The following KCNU1 variants were observed in gnomAD, a reference collection of about 807,000 sequenced individuals.
KCNU1 encodes potassium channel subfamily U member 1.
Under a neutral mutation model 126.8 loss-of-function variants are expected in KCNU1, and 93 were observed. The ratio of observed to expected loss-of-function variants is 0.73; its 90% CI spans 0.62 to 0.87. The LOEUF (loss-of-function observed/expected upper bound fraction) is 0.87, where lower values mean the gene tolerates loss of function less well. KCNU1 is among the 40% of genes least tolerant of loss of function. The pLI is 0.00. For missense variants in KCNU1, 1,330 were observed against 1,367.1 expected (o/e 0.97, Z 0.43); for synonymous variants, 523 against 494.2 (o/e 1.06, Z -0.77).
In KCNU1 at chr8:36,935,646, T is replaced by A. The variant is rs781593881; in HGVS notation, c.3176T>A (p.Val1059Glu). ...EFSLQKSYEI[V>E]NKASQTTETH... ...TCATTGCAAAAGTCATATGAAATTG[T>A]AAATAAAGCATCACAGACAACAGAG... is the stretch of plus-strand genomic sequence containing the variant. The change falls in exon 27 of 27, where the codon GTA (valine) becomes GAA (glutamate). Residue 1059 changes from valine to glutamate, a missense_variant. By Grantham distance (121) the Val-to-Glu change is moderately radical. Around this residue, in one of 3 missense-constraint regions of KCNU1, gnomAD observed 1,054 missense variants for 1,053.9 expected, o/e 1.00. Coordinates refer to ENST00000399881, the MANE Select transcript of KCNU1 (RefSeq NM_001031836.3). 5 of 1,613,380 alleles carry A rather than the reference T, an allele frequency of 3.1e-6. No individual in the cohort carries two copies. The African/African-American group carries it at 6.7e-5, about 22-fold the overall frequency.
chr8:36,818,279 A>G (rs1211937416), intron 10 of KCNU1, among the ~76,000 whole-genome samples: 1 of 152,138 alleles, frequency 6.6e-6, no homozygotes, highest in Non-Finnish European at 1.5e-5. Context: ...TTATATTTTA[A>G]TTTTGTAATT....
rs190560107 is a variant in KCNU1 at position 36,813,992 on chromosome 8, G to A, written c.733-215G>A. ...CAGCTACAAGCCCCCTCAGATTTCG[G>A]CAATGATCACGATTAAGGAAACCAA... is the stretch of plus-strand genomic sequence containing the variant. On this transcript the variant is annotated intron_variant, in intron 7 of 26. Coordinates refer to ENST00000399881, the MANE Select transcript of KCNU1 (RefSeq NM_001031836.3). Among the ~76,000 whole-genome samples, 374 of 152,128 alleles carry A rather than the reference G, an allele frequency of 2.5e-3. 3 individuals are homozygous for A. Among genetic ancestry groups the A allele is most frequent in the African/African-American group, 8.6e-3 (359 of 41,504 alleles).
At chr8:36,826,842 A>G (rs2130515616) in intron 10 of KCNU1, among the ~76,000 whole-genome samples, 1 of 152,274 alleles carries the variant, frequency 6.6e-6, no homozygotes, top group African/African-American at 2.4e-5. Flanking sequence ...CCCAGTACCC[A>G]TTAGTTATTT....
intron 18 of KCNU1, among the ~76,000 whole-genome samples, chr8:36,848,698 CTG>C (rs1448045624): frequency 2.0e-5 from 3 of 152,180 alleles, no homozygotes; most frequent in African/African-American, 7.2e-5. Context: ...CGTACAGACA[CTG>C]TCGTGTTTCT....
Position 36,841,052 on chromosome 8 carries a change from TTTTTC to T in KCNU1, c.1703+50_1703+54del, listed in dbSNP as rs372390507. Reference sequence around the variant, plus strand: ...TTCAGTTGTTTTTTTTTTTTTTTTTTTTTTCCTGGAGATTCTTTGTGATTAAGAAT... The same window carrying T: ...TTCAGTTGTTTTTTTTTTTTTTTTTTCTGGAGATTCTTTGTGATTAAGAAT... On this transcript the variant is annotated intron_variant, in intron 16 of 26. Transcript: ENST00000399881. 3.5e-4 allele frequency: 439 copies of T among 1,244,812 alleles called. 2 individuals carry two copies. The East Asian group carries it at 7.4e-3, about 21-fold the overall frequency. The allele number at this position is 1,244,812 out of a possible 1,614,324, so 77.1% of individuals were successfully genotyped here.
At chr8:36,829,725 G>A (rs1198270904) in intron 10 of KCNU1, among the ~76,000 whole-genome samples, 1 of 151,258 alleles carries the variant, frequency 6.6e-6, no homozygotes, top group Non-Finnish European at 1.5e-5. Flanking sequence ...ACTGCTTTAT[G>A]CTACAAACTC....
intron 19 of KCNU1, among the ~76,000 whole-genome samples, chr8:36,887,914 C>T (rs1052251773): frequency 6.6e-6 from 1 of 152,200 alleles, no homozygotes; most frequent in African/African-American, 2.4e-5. Context: ...TCTATTTTAA[C>T]ATTAATACTA....
Position 36,840,543 on chromosome 8 carries a change from C to A in KCNU1, c.1599C>A (p.Asp533Glu). The A allele has an allele frequency of 6.2e-7, 1 of 1,612,056 alleles. No homozygotes were observed. The highest frequency in any genetic ancestry group is 8.5e-7 in the Non-Finnish European group (1 of 1,178,394). ...NKILTQRLSDDFAGMSFPEVA... is the reference protein window; with the variant it reads ...NKILTQRLSDEFAGMSFPEVA... Reference sequence around the variant, plus strand: ...TTCTGACCCAACGTCTCTCTGATGACTTTGCTGGAATGAGCTTTCCTGAAG... The same window carrying A: ...TTCTGACCCAACGTCTCTCTGATGAATTTGCTGGAATGAGCTTTCCTGAAG... The change falls in exon 15 of 27, where the codon GAC becomes GAA. Residue 533 changes from aspartate to glutamate, a missense_variant. Asp to Glu is a conservative substitution (Grantham distance 45). Transcript: ENST00000399881.
chr8:36,908,589 C>T (rs1585547890), intron 20 of KCNU1, among the ~76,000 whole-genome samples: 1 of 144,622 alleles, frequency 6.9e-6, no homozygotes, highest in Non-Finnish European at 1.5e-5. Flanking sequence ...CAAGGACAGA[C>T]AATCAAACAC....
At chr8:36,888,645 G>C (rs78605166) in intron 19 of KCNU1, 1 of 534,320 alleles carries the variant, frequency 1.9e-6, no homozygotes, top group Admixed American at 1.9e-5. Context: ...TCCTCTGAAA[G>C]TACTGAGGAT....
intron 19 of KCNU1, among the ~76,000 whole-genome samples, chr8:36,896,685 G>T (rs1807203264): frequency 6.6e-6 from 1 of 152,032 alleles, no homozygotes; most frequent in Admixed American, 6.6e-5. Flanking sequence ...AATAGAAGAG[G>T]TTGGAGGAAG....
chr8:36,913,822 C>T (rs966348884), intron 22 of KCNU1, among the ~76,000 whole-genome samples: 5 of 151,908 alleles, frequency 3.3e-5, no homozygotes, highest in African/African-American at 1.2e-4. Context: ...AGGATAGTCT[C>T]GATCTCCTGA....
chr8:36,817,817 T>C, intron 10 of KCNU1, 57 bp downstream of exon 10: 1 of 820,424 alleles, frequency 1.2e-6, no homozygotes, highest in Non-Finnish European at 2.1e-6. Context: ...TACGTGTGAA[T>C]ATTTTTAATG....
In KCNU1 at chr8:36,805,303, G is replaced by A. The variant is rs749603721; in HGVS notation, c.468+18G>A. The A allele has an allele frequency of 6.9e-7, 1 of 1,459,052 alleles. No homozygotes were observed. The highest frequency in any genetic ancestry group is 9.5e-7 in the Non-Finnish European group (1 of 1,051,140). 90.4% of individuals were successfully genotyped at this position (1,459,052 alleles called of 1,614,324 possible). A position where few individuals can be genotyped will look rare whatever the true frequency, so the allele number is the denominator to read the frequency against. ...GATTGAGGGTAAGTACCTATTGAAA[G>A]TGGGAGTGAATATCCAAACACCACA... On this transcript the variant is annotated intron_variant, in intron 4 of 26. Transcript: ENST00000399881.
chr8:36,834,967 A>G (rs1326489778), intron 12 of KCNU1, 99 bp downstream of exon 12: 6 of 764,702 alleles, frequency 7.8e-6, no homozygotes, highest in Non-Finnish European at 1.1e-5. Context: ...AATGTCGTCT[A>G]TCATATCACT....
intron 19 of KCNU1, among the ~76,000 whole-genome samples, chr8:36,874,996 C>G (rs1451657946): frequency 2.6e-5 from 4 of 151,924 alleles, no homozygotes; most frequent in African/African-American, 9.7e-5. Flanking sequence ...GGTTGTTGCC[C>G]TTCTGCTTCC....
At chr8:36,900,074 C>T (rs1014281036) in intron 19 of KCNU1, among the ~76,000 whole-genome samples, 1 of 152,040 alleles carries the variant, frequency 6.6e-6, no homozygotes, top group Non-Finnish European at 1.5e-5. Context: ...TATGTCACAT[C>T]CCATGAGATT....
At chr8:36,813,651 A>G (rs1040863920) in intron 7 of KCNU1, among the ~76,000 whole-genome samples, 1 of 146,224 alleles carries the variant, frequency 6.8e-6, no homozygotes, top group Non-Finnish European at 1.5e-5. Flanking sequence ...ATCAGAGGAA[A>G]ATATTTTTAA....
At chr8:36,887,234 A>G (rs1806741902) in intron 19 of KCNU1, among the ~76,000 whole-genome samples, 2 of 152,184 alleles carry the variant, frequency 1.3e-5, no homozygotes, top group Admixed American at 1.3e-4. Context: ...ACTGTTTTCC[A>G]TACAGATTGT....
Sources: allele counts gnomAD v4.1 joint callset (sites outside exome capture counted in the v4.1 genomes callset), GRCh38; gene constraint gnomAD v4.1.1; regional missense constraint gnomAD v4.1.1; transcripts MANE v1.5; gene names NCBI Gene and HGNC (gene_info 2026-07-23, HGNC 2026-07-21).